C6: variants seen among roughly 807,000 people sequenced by gnomAD.
C6 encodes the protein complement component C6.
In C6, 101 loss-of-function variants were observed where a neutral mutation model predicts 112.9. The ratio of observed to expected loss-of-function variants is 0.89; its 90% CI spans 0.76 to 1.06. The LOEUF (loss-of-function observed/expected upper bound fraction) is 1.06. Ranked by LOEUF, C6 falls within the 50% of genes least tolerant of loss-of-function variation. The pLI is 0.00. For missense variants in C6, 1,202 were observed against 1,104.6 expected, an observed-to-expected ratio of 1.09 and a Z score of -1.25; for synonymous variants, 431 against 384.1, an observed-to-expected ratio of 1.12 and a Z score of -1.43.
chr5:41,251,781 A>T (rs570026328), intron 1 of C6, among the ~76,000 whole-genome samples: 62 of 152,322 alleles, frequency 4.1e-4, no homozygotes, highest in Middle Eastern at 3.4e-3. Flanking sequence ...TCATTCTGGG[A>T]TACTAGGTAG....
chr5:41,223,392 A>G (rs1048095585), intron 1 of C6, among the ~76,000 whole-genome samples: 13 of 152,214 alleles, frequency 8.5e-5, no homozygotes, highest in African/African-American at 3.1e-4. Context: ...AACAACAATT[A>G]CACAATAGGC....
At chr5:41,232,912 G>T (rs1190648373) in intron 1 of C6, among the ~76,000 whole-genome samples, 1 of 151,928 alleles carries the variant, frequency 6.6e-6, no homozygotes, top group Non-Finnish European at 1.5e-5. Flanking sequence ...CAAGGACCAT[G>T]TCTACTCTTT....
At chr5:41,154,046 A>G in intron 14 of C6, 48 bp from the exon 15 acceptor site, 1 of 1,579,578 alleles carries the variant, frequency 6.3e-7, no homozygotes, top group Non-Finnish European at 8.7e-7. Flanking sequence ...CAGAATAAAC[A>G]AAAAATTTAG....
chr5:41,199,921 AAAG>A lies in C6; in HGVS notation c.301-12_301-10del. The A allele has an allele frequency of 6.2e-7, 1 of 1,613,382 alleles. No homozygotes were observed. The highest frequency in any genetic ancestry group is 1.7e-5 in the Admixed American group (1 of 59,912). ...ACAGATCTAACTTTAGACTGAAAGGAAAGAAGAGAAAGATATAACTCTGAGGCA... is the reference window on the plus strand; with the variant it reads ...ACAGATCTAACTTTAGACTGAAAGGAAAGAGAAAGATATAACTCTGAGGCA... On this transcript the variant is annotated splice_polypyrimidine_tract_variant and intron_variant, in intron 3 of 17. Transcript: ENST00000337836.
chr5:41,181,603 C>A, intron 6 of C6, 44 bp from the exon 7 acceptor site: 1 of 1,457,764 alleles, frequency 6.9e-7, no homozygotes, highest in Non-Finnish European at 9.5e-7. Context: ...TTAGGAAATA[C>A]TGGAGCGACT....
chr5:41,186,138 T>C lies in C6; in HGVS notation c.658A>G (p.Thr220Ala). The C allele has an allele frequency of 6.2e-7, 1 of 1,613,928 alleles. No individual in the cohort carries two copies. The highest frequency in any genetic ancestry group is 8.5e-7 in the Non-Finnish European group (1 of 1,179,888). The change falls in exon 6 of 18, where the codon ACT (threonine) becomes GCT (alanine). Residue 220 changes from threonine (T) to alanine (A), a missense_variant. Coordinates refer to ENST00000337836, the MANE Select transcript of C6 (RefSeq NM_000065.5). ...DNSFTGGICK[T>A]VKSSRTSNPY... ...TTACTTGTCCTACTGCTTTTGACAG[T>C]TTTACATATTCCTCCAGTGAAAGAG... is the stretch of plus-strand genomic sequence containing the variant.
At chr5:41,185,909 C>T (rs1749729758) in intron 6 of C6, among the ~76,000 whole-genome samples, 161 bp downstream of exon 6, 1 of 152,124 alleles carries the variant, frequency 6.6e-6, no homozygotes. Context: ...TAACACTGGC[C>T]TCATTGTGTG....
At chr5:41,253,403 C>G (rs1047688858) in intron 1 of C6, among the ~76,000 whole-genome samples, 1 of 152,130 alleles carries the variant, frequency 6.6e-6, no homozygotes, top group African/African-American at 2.4e-5. Flanking sequence ...GTGTAGCTCT[C>G]TCCTTTTTGT....
chr5:41,230,312 G>A (rs772117433), intron 1 of C6, among the ~76,000 whole-genome samples: 7 of 152,042 alleles, frequency 4.6e-5, no homozygotes, highest in African/African-American at 1.4e-4. Context: ...ATAAACAGAC[G>A]TGCAAGTAGG....
intron 1 of C6, among the ~76,000 whole-genome samples, chr5:41,245,166 G>T (rs549210918): frequency 1.3e-5 from 2 of 152,266 alleles, no homozygotes; most frequent in East Asian, 3.9e-4. Context: ...CATAAAATAA[G>T]TTGTGAAGTT....
At chr5:41,183,826 C>A (rs898796672) in intron 6 of C6, among the ~76,000 whole-genome samples, 4 of 152,100 alleles carry the variant, frequency 2.6e-5, no homozygotes, top group African/African-American at 9.7e-5. Context: ...ATGTCCTTTG[C>A]AGCAACATGG....
chr5:41,255,032 CT>C (rs1741597872), intron 1 of C6, among the ~76,000 whole-genome samples: 1 of 152,120 alleles, frequency 6.6e-6, no homozygotes, highest in Non-Finnish European at 1.5e-5. Flanking sequence ...AGAACAAATG[CT>C]TTGAGGGGCC....
At chr5:41,174,058 T>C (rs1322052061) in intron 8 of C6, among the ~76,000 whole-genome samples, 1 of 152,236 alleles carries the variant, frequency 6.6e-6, no homozygotes, top group Admixed American at 6.5e-5. Context: ...TTAAATTGTA[T>C]GTGTCCAGTT....
At chr5:41,220,035 C>A (rs1415428070) in intron 1 of C6, among the ~76,000 whole-genome samples, 2 of 152,096 alleles carry the variant, frequency 1.3e-5, no homozygotes, top group South Asian at 2.1e-4. Context: ...TTAAAATAAT[C>A]AAACTCTGAT....
At chr5:41,186,026 A>G in intron 6 of C6, 44 bp downstream of exon 6, 1 of 1,612,770 alleles carries the variant, frequency 6.2e-7, no homozygotes, top group Admixed American at 1.7e-5. Context: ...TTAGCTTATA[A>G]TCACTGACGG....
chr5:41,177,961 A>G (rs541005783), intron 7 of C6, among the ~76,000 whole-genome samples: 9 of 152,108 alleles, frequency 5.9e-5, no homozygotes, highest in Non-Finnish European at 8.8e-5. Context: ...TAAGAAGCAC[A>G]CTCACTCCCT....
chr5:41,181,512 T>A lies in C6; in HGVS notation c.774A>T (p.Leu258Phe). ...GATTTTCATTGTGTCCAAGAGAAGT[T>A]AAATCCTTGTAGAAATCTGTTTTCA... The part of the protein sequence containing the change: ...DDLKTDFYKD[L>F]TSLGHNENQQ... The change falls in exon 7 of 18, where the codon TTA becomes TTT. Residue 258 changes from leucine (L) to phenylalanine (F), a missense_variant. By Grantham distance (22) the Leu-to-Phe change is conservative. Coordinates refer to ENST00000337836, the MANE Select transcript of C6 (RefSeq NM_000065.5). 1 of 1,613,706 alleles carries A rather than the reference T, an allele frequency of 6.2e-7. No individual in the cohort carries two copies. The highest frequency in any genetic ancestry group is 8.5e-7 in the Non-Finnish European group (1 of 1,179,788).
intron 9 of C6, 143 bp downstream of exon 9, chr5:41,172,082 C>G (rs1269227372): frequency 2.4e-6 from 2 of 844,718 alleles, no homozygotes; most frequent in Non-Finnish European, 4.0e-6. Flanking sequence ...ATTTGTATCC[C>G]CTATTCCAAC....
intron 1 of C6, among the ~76,000 whole-genome samples, chr5:41,209,753 T>G (rs1055264880): frequency 2.6e-4 from 39 of 152,210 alleles, no homozygotes; most frequent in Non-Finnish European, 3.2e-4. Context: ...CATGCTCATG[T>G]GTAGGAAGAA....
Sources: gnomAD v4.1 joint callset for allele counts (sites outside exome capture counted in the v4.1 genomes callset) on GRCh38, gnomAD v4.1.1 for gene constraint, MANE v1.5 for transcripts, NCBI Gene and HGNC (gene_info 2026-07-23, HGNC 2026-07-21) for gene names.